CAPZB: variants seen among roughly 807,000 people sequenced by gnomAD.
The protein encoded by CAPZB is F-actin-capping protein subunit beta.
Under a neutral mutation model 38.1 loss-of-function variants are expected in CAPZB, and 2 were observed. The observed-to-expected ratio is 0.05, with a 90% CI of 0.02 to 0.17. The LOEUF (loss-of-function observed/expected upper bound fraction) is 0.17. Among genes scored for constraint, CAPZB ranks in the 10% least tolerant of loss-of-function variants. The probability of loss-of-function intolerance (pLI) is 1.00; values close to 1 mark genes in which losing one functional copy is unlikely to be tolerated. For missense variants in CAPZB, 161 were observed against 334.2 expected (o/e 0.48, Z 4.04); for synonymous variants, 107 against 127.4 (o/e 0.84, Z 1.08).
At chr1:19,362,457 TA>T (rs2094058632) in intron 4 of CAPZB, among the ~76,000 whole-genome samples, 1 of 152,016 alleles carries the variant, frequency 6.6e-6, no homozygotes, top group Admixed American at 6.6e-5. Flanking sequence ...GGCTGGTCTC[TA>T]ACTCCTGGCC....
chr1:19,364,267 T>C (rs2094070808), intron 4 of CAPZB, among the ~76,000 whole-genome samples: 2 of 152,244 alleles, frequency 1.3e-5, no homozygotes, highest in Admixed American at 1.3e-4. Flanking sequence ...CTCCCAGTTC[T>C]GACATTCCAG....
chr1:19,464,632 A>C (rs2094563323), intron 1 of CAPZB, among the ~76,000 whole-genome samples: 1 of 152,182 alleles, frequency 6.6e-6, no homozygotes, highest in African/African-American at 2.4e-5. Flanking sequence ...CTCAACATCC[A>C]AAAACTGGAG....
intron 1 of CAPZB, 33 bp downstream of exon 1, chr1:19,485,403 C>T (rs1457709030): frequency 8.2e-7 from 1 of 1,226,424 alleles, no homozygotes; most frequent in Non-Finnish European, 1.0e-6. Context: ...CGGAGGGGCC[C>T]CCGGGCCGGG....
At chr1:19,471,865 C>CAAAA (rs59289947) in intron 1 of CAPZB, among the ~76,000 whole-genome samples, 19 of 134,480 alleles carry the variant, frequency 1.4e-4, no homozygotes, top group African/African-American at 5.6e-4. Context: ...GACTCCGTCT[C>CAAAA]AAAAAAAAAA....
At chr1:19,438,229 C>T (rs10158269) in intron 1 of CAPZB, among the ~76,000 whole-genome samples, 1 of 152,050 alleles carries the variant, frequency 6.6e-6, no homozygotes, top group Non-Finnish European at 1.5e-5. Flanking sequence ...AGGGAGTGCG[C>T]GATCAGAGAC....
intron 1 of CAPZB, among the ~76,000 whole-genome samples, chr1:19,456,596 G>GA (rs947394693): frequency 3.9e-5 from 6 of 151,982 alleles, no homozygotes; most frequent in African/African-American, 1.2e-4. Context: ...CCCCCGTACA[G>GA]AAAAAAATTC....
At chr1:19,469,359 G>A (rs2094578888) in intron 1 of CAPZB, among the ~76,000 whole-genome samples, 1 of 152,190 alleles carries the variant, frequency 6.6e-6, no homozygotes, top group African/African-American at 2.4e-5. Flanking sequence ...TCCATTCATG[G>A]TAAGGACAAA....
In CAPZB at chr1:19,485,438, T is replaced by TGGTGGC. The variant is rs1399153829; in HGVS notation, c.-6_-1dup. 1 of 1,230,244 alleles carries TGGTGGC rather than the reference T, an allele frequency of 8.1e-7. No homozygotes were observed. 76.2% of individuals were successfully genotyped at this position (1,230,244 alleles called of 1,614,324 possible). A position where few individuals can be genotyped will look rare whatever the true frequency, so the allele number is the denominator to read the frequency against. On this transcript the variant is annotated 5_prime_UTR_variant, in exon 1 of 9. Coordinates refer to ENST00000264202, the MANE Select transcript of CAPZB (RefSeq NM_004930.5). The stretch of plus-strand genomic sequence containing the variant: ...GGAGGGGGCCGTGCGGCCTTTACCA[T>TGGTGGC]GGTGGCGGCGGCGGCGGCGGTCCCG...
chr1:19,437,932 A>G (rs2094463374), intron 1 of CAPZB, among the ~76,000 whole-genome samples: 1 of 152,178 alleles, frequency 6.6e-6, no homozygotes. Flanking sequence ...TTCCTCTAAC[A>G]CGAAGGTGGA....
At chr1:19,416,476 G>A (rs1333879019) in intron 2 of CAPZB, among the ~76,000 whole-genome samples, 1 of 152,078 alleles carries the variant, frequency 6.6e-6, no homozygotes, top group Non-Finnish European at 1.5e-5. Context: ...TGACTTTGAA[G>A]AAACAATAAA....
intron 1 of CAPZB, among the ~76,000 whole-genome samples, chr1:19,482,308 C>T (rs897154761): frequency 3.3e-5 from 5 of 152,194 alleles, no homozygotes; most frequent in Admixed American, 3.3e-4. Context: ...TATAGACAGA[C>T]AAGAGGGATG....
intron 6 of CAPZB, among the ~76,000 whole-genome samples, chr1:19,349,233 G>C (rs974676155): frequency 2.0e-5 from 3 of 152,064 alleles, no homozygotes; most frequent in African/African-American, 7.2e-5. Flanking sequence ...ACTTTTGCAT[G>C]CTGGCCCCCG....
At chr1:19,434,312 G>A (rs1020344553) in intron 1 of CAPZB, among the ~76,000 whole-genome samples, 3 of 151,990 alleles carry the variant, frequency 2.0e-5, no homozygotes, top group Non-Finnish European at 4.4e-5. Context: ...TCTGTTTAGC[G>A]GCAATAATAA....
At chr1:19,369,547 G>A (rs1423271687) in intron 4 of CAPZB, among the ~76,000 whole-genome samples, 1 of 152,234 alleles carries the variant, frequency 6.6e-6, no homozygotes, top group Non-Finnish European at 1.5e-5. Flanking sequence ...CATGGCTGAA[G>A]ACACAAACAT....
chr1:19,391,844 C>T (rs952406908), intron 2 of CAPZB, among the ~76,000 whole-genome samples: 11 of 152,194 alleles, frequency 7.2e-5, no homozygotes, highest in South Asian at 2.1e-4. Context: ...TGGACATGGG[C>T]GGCCCTGCTC....
intron 1 of CAPZB, among the ~76,000 whole-genome samples, chr1:19,443,021 CA>C (rs899260754): frequency 2.0e-5 from 3 of 151,982 alleles, no homozygotes; most frequent in African/African-American, 7.3e-5. Flanking sequence ...CTTCCCCCAA[CA>C]AAAAAACCTT....
chr1:19,471,617 C>A (rs2094587537), intron 1 of CAPZB, among the ~76,000 whole-genome samples: 1 of 152,094 alleles, frequency 6.6e-6, no homozygotes, highest in Non-Finnish European at 1.5e-5. Flanking sequence ...GTAATCCCAG[C>A]ACTTTGGGAG....
intron 3 of CAPZB, among the ~76,000 whole-genome samples, chr1:19,378,888 T>C (rs950311461): frequency 6.6e-6 from 1 of 152,184 alleles, no homozygotes; most frequent in Non-Finnish European, 1.5e-5. Context: ...TGGCTGTGAA[T>C]GCTCAGCAAG....
At position 19,339,425 on chromosome 1, in the gene CAPZB, G is replaced by C. The variant is rs2093915723; in HGVS notation, c.*105C>G. ...GCGGTCAATGATGCAGCTGTTATGT[G>C]ACCTGTCGGGGAGGGAAGGGACGAG... On this transcript the variant is annotated 3_prime_UTR_variant, in exon 9 of 9. Coordinates refer to ENST00000264202, the MANE Select transcript of CAPZB (RefSeq NM_004930.5). 6 of 836,028 alleles carry C rather than the reference G, an allele frequency of 7.2e-6. No individual in the cohort carries two copies. In the East Asian group the frequency reaches 9.7e-5, roughly 13 times the overall value. 51.8% of individuals were successfully genotyped at this position (836,028 alleles called of 1,614,324 possible). A position where few individuals can be genotyped will look rare whatever the true frequency, so the allele number is the denominator to read the frequency against.
Sources: gnomAD v4.1 joint callset for allele counts (sites outside exome capture counted in the v4.1 genomes callset) on GRCh38, gnomAD v4.1.1 for gene constraint, MANE v1.5 for transcripts, NCBI Gene and HGNC (gene_info 2026-07-23, HGNC 2026-07-21) for gene names.